ULK4: variants seen among roughly 807,000 people sequenced by gnomAD.
ULK4 encodes the protein unc-51 like kinase 4, also known as inactive serine/threonine-protein kinase ULK4.
A neutral mutation model predicts 160.6 loss-of-function variants in ULK4; 133 were observed. The observed-to-expected ratio is 0.83, with a 90% confidence interval of 0.72 to 0.96. ULK4 has a LOEUF of 0.96. ULK4 is among the 40% of genes least tolerant of loss of function. The pLI, the probability that ULK4 is intolerant of heterozygous loss-of-function variation, is 0.00. For missense variants in ULK4, 1,580 were observed against 1,499.5 expected, an observed-to-expected ratio of 1.05 and a Z score of -0.89; for synonymous variants, 534 against 539.8, an observed-to-expected ratio of 0.99 and a Z score of 0.15.
At chr3:41,434,761 G>C (rs1349728953) in intron 34 of ULK4, among the ~76,000 whole-genome samples, 3 of 152,102 alleles carry the variant, frequency 2.0e-5, no homozygotes, top group Non-Finnish European at 4.4e-5. Flanking sequence ...AAAAGTCCCA[G>C]CATATAAATA....
At chr3:41,782,492 C>T (rs984327760) in intron 21 of ULK4, among the ~76,000 whole-genome samples, 1 of 151,974 alleles carries the variant, frequency 6.6e-6, no homozygotes, top group Admixed American at 6.6e-5. Flanking sequence ...AAAAAGAAAA[C>T]CTTAGTTTAC....
At chr3:41,892,696 AAACC>A (rs1258283867) in intron 16 of ULK4, among the ~76,000 whole-genome samples, 1 of 152,184 alleles carries the variant, frequency 6.6e-6, no homozygotes, top group Non-Finnish European at 1.5e-5. Context: ...CTTTCTTGGG[AAACC>A]AACCATCAGG....
chr3:41,365,212 G>A (rs1218844292), intron 35 of ULK4, among the ~76,000 whole-genome samples: 1 of 152,170 alleles, frequency 6.6e-6, no homozygotes, highest in Non-Finnish European at 1.5e-5. Flanking sequence ...CCATGAATGA[G>A]TGTTTCTTCA....
intron 32 of ULK4, among the ~76,000 whole-genome samples, chr3:41,540,994 G>A (rs2086677059): frequency 6.6e-6 from 1 of 152,134 alleles, no homozygotes; most frequent in African/African-American, 2.4e-5. Flanking sequence ...TGTTCACTCT[G>A]ATGGTCTCTT....
At chr3:41,671,700 CAT>C (rs930190691) in intron 29 of ULK4, among the ~76,000 whole-genome samples, 18 of 152,006 alleles carry the variant, frequency 1.2e-4, no homozygotes, top group Admixed American at 6.6e-4. Context: ...GCACAGGCAA[CAT>C]AAACAAAAAT....
At chr3:41,289,690 C>G (rs921695975) in intron 35 of ULK4, among the ~76,000 whole-genome samples, 12 of 152,100 alleles carry the variant, frequency 7.9e-5, no homozygotes, top group African/African-American at 2.9e-4. Context: ...CCAACATGTC[C>G]TCAATGCACA....
intron 30 of ULK4, among the ~76,000 whole-genome samples, chr3:41,660,531 AT>A (rs2035116040): frequency 6.6e-6 from 1 of 152,192 alleles, no homozygotes; most frequent in Non-Finnish European, 1.5e-5. Context: ...TTAAAAATCC[AT>A]TTAGGGAAAT....
At chr3:41,932,140 ATAAT>A (rs1699625114) in intron 4 of ULK4, 134 bp from the exon 5 acceptor site, 2 of 740,302 alleles carry the variant, frequency 2.7e-6, no homozygotes, top group Non-Finnish European at 4.0e-6. Context: ...ATAAATGCTT[ATAAT>A]TTTTTTAAAA....
intron 35 of ULK4, among the ~76,000 whole-genome samples, chr3:41,345,002 C>T (rs539970391): frequency 2.5e-4 from 38 of 152,230 alleles, no homozygotes; most frequent in African/African-American, 9.1e-4. Flanking sequence ...AGAACACATA[C>T]ATGCAGCCAA....
chr3:41,525,418 C>A (rs973265093), intron 32 of ULK4, among the ~76,000 whole-genome samples: 1 of 152,214 alleles, frequency 6.6e-6, no homozygotes, highest in African/African-American at 2.4e-5. Context: ...CCCCATCCAA[C>A]AGCCGACCTG....
chr3:41,920,917 A>G (rs1699160083), intron 5 of ULK4, among the ~76,000 whole-genome samples: 1 of 152,160 alleles, frequency 6.6e-6, no homozygotes, highest in African/African-American at 2.4e-5. Flanking sequence ...ACACCCTTGC[A>G]CTCTGTCCAA....
At chr3:41,498,733 C>A (rs2085083284) in intron 32 of ULK4, among the ~76,000 whole-genome samples, 7 of 152,038 alleles carry the variant, frequency 4.6e-5, no homozygotes, top group Admixed American at 4.6e-4. Flanking sequence ...GTAGCTGGGA[C>A]TACAGGTGCC....
At chr3:41,913,162 T>G (rs1195944501) in intron 8 of ULK4, 12 of 283,412 alleles carry the variant, frequency 4.2e-5, no homozygotes, top group Admixed American at 1.0e-4. Flanking sequence ...TCAAATTCCA[T>G]AGAGTCTGGT....
In ULK4 at chr3:41,437,847, G is replaced by GGA. The variant is rs2083071589; in HGVS notation, c.3492+17648_3492+17649dup. ...GAAAGACTTCTTGAAGGGATATAAGGGAGAGATTCTGTTTACAAGTCCTTT... is the reference window on the plus strand; with the variant it reads ...GAAAGACTTCTTGAAGGGATATAAGGGAGAGAGATTCTGTTTACAAGTCCTTT... On this transcript the variant is annotated intron_variant, in intron 34 of 36. Transcript: ENST00000301831. 2.6e-5 allele frequency among the ~76,000 whole-genome samples: 4 copies of GGA among 152,084 alleles called. No individual in the cohort carries two copies. In the South Asian group the frequency reaches 8.3e-4, roughly 32 times the overall value.
At chr3:41,753,388 A>G (rs1187332773) in intron 22 of ULK4, among the ~76,000 whole-genome samples, 1 of 152,196 alleles carries the variant, frequency 6.6e-6, no homozygotes, top group Admixed American at 6.5e-5. Flanking sequence ...TCTGCTCAGT[A>G]TTCTAGAACA....
chr3:41,428,662 A>G (rs1304209606), intron 34 of ULK4, among the ~76,000 whole-genome samples: 1 of 152,220 alleles, frequency 6.6e-6, no homozygotes, highest in African/African-American at 2.4e-5. Flanking sequence ...AAAAACAAGC[A>G]ATGGGGAAAG....
At chr3:41,687,281 G>A (rs760760426) in intron 27 of ULK4, among the ~76,000 whole-genome samples, 43 of 151,580 alleles carry the variant, frequency 2.8e-4, no homozygotes, top group Non-Finnish European at 5.7e-4. Flanking sequence ...GCTGAAGCAG[G>A]AGAATCACTT....
intron 35 of ULK4, among the ~76,000 whole-genome samples, chr3:41,259,094 ATATATG>A (rs202040352): frequency 0.018 from 2,590 of 141,626 alleles, 76 homozygotes; most frequent in African/African-American, 0.072. Context: ...ATATATATAC[ATATATG>A]TATATGTATA....
chr3:41,757,879 G>C (rs2038859057), intron 21 of ULK4, among the ~76,000 whole-genome samples: 1 of 151,912 alleles, frequency 6.6e-6, no homozygotes, highest in African/African-American at 2.4e-5. Flanking sequence ...CGCCTGCCTT[G>C]GCCTCCCAAA....
Sources: allele counts gnomAD v4.1 joint callset (sites outside exome capture counted in the v4.1 genomes callset), GRCh38; gene constraint gnomAD v4.1.1; transcripts MANE v1.5; gene names NCBI Gene and HGNC (gene_info 2026-07-23, HGNC 2026-07-21).